The following BTD variants were observed in gnomAD, a reference collection of about 807,000 sequenced individuals.
BTD encodes the protein biotinidase.
In BTD, 13 loss-of-function variants were observed where a neutral mutation model predicts 17.7. The ratio of observed to expected loss-of-function variants is 0.74; its 90% confidence interval spans 0.48 to 1.17. The LOEUF (loss-of-function observed/expected upper bound fraction) is 1.17, where lower values mean the gene tolerates loss of function less well. Among genes scored for constraint, BTD ranks in the 50% most tolerant of loss-of-function variants. The probability of loss-of-function intolerance (pLI) is 0.00; values close to 1 mark genes in which losing one functional copy is unlikely to be tolerated. For missense variants in BTD, 674 were observed against 650.4 expected (o/e 1.04, Z -0.39); for synonymous variants, 240 against 245.2 (o/e 0.98, Z 0.20).
At chr3:15,701,923 T>C (rs2070689128) in intron 3 of BTD, among the ~76,000 whole-genome samples, 1 of 152,038 alleles carries the variant, frequency 6.6e-6, no homozygotes. Flanking sequence ...GGCAAAAACA[T>C]TTTACCCAAG....
At chr3:15,711,689 T>G (rs2072302025) in exon 4 of BTD, among the ~76,000 whole-genome samples, 1 of 151,872 alleles carries the variant, frequency 6.6e-6, no homozygotes, top group Non-Finnish European at 1.5e-5. Flanking sequence ...AGAGGTTTTC[T>G]GTATTTTTTT....
intron 3 of BTD, among the ~76,000 whole-genome samples, chr3:15,661,730 T>C (rs953071991): frequency 1.2e-4 from 19 of 152,182 alleles, no homozygotes; most frequent in African/African-American, 4.6e-4. Flanking sequence ...CAAGGTCAGG[T>C]AGATTTTCTC....
intron 1 of BTD, among the ~76,000 whole-genome samples, chr3:15,630,796 T>G (rs1426624203): frequency 2.0e-5 from 3 of 152,178 alleles, no homozygotes; most frequent in East Asian, 3.9e-4. Context: ...CAGCTGTCAC[T>G]CACAAGTGTT....
intron 3 of BTD, chr3:15,679,705 T>C (rs934309169): frequency 2.8e-5 from 19 of 669,714 alleles, no homozygotes; most frequent in African/African-American, 2.0e-4. Flanking sequence ...AATATAACCA[T>C]TGGTAGCTGT....
rs1553648620 is a variant in BTD, at chr3:15,613,123, C to CGGCTT, written c.-17+11229_-17+11230insGGCTT. Among the ~76,000 whole-genome samples the CGGCTT allele has an allele frequency of 1.1e-4, 16 of 152,148 alleles. 4 individuals are homozygous for CGGCTT. Among genetic ancestry groups the CGGCTT allele is most frequent in the East Asian group, 1.9e-4 (1 of 5,176 alleles). On this transcript the variant is annotated intron_variant, in intron 1 of 3. Transcript: ENST00000643237. ...GGATTTTAACTACATATGTGAAAGC[C>CGGCTT]CTTCACCTTTGTCATATTCTATTGG...
intron 1 of BTD, among the ~76,000 whole-genome samples, chr3:15,632,165 C>A (rs1446559642): frequency 6.6e-6 from 1 of 152,200 alleles, no homozygotes; most frequent in Non-Finnish European, 1.5e-5. Flanking sequence ...TCATCGAGGT[C>A]TTCCTTGACC....
At chr3:15,709,394 T>A (rs915930314) in intron 3 of BTD, among the ~76,000 whole-genome samples, 24 of 152,078 alleles carry the variant, frequency 1.6e-4, no homozygotes, top group Admixed American at 4.6e-4. Context: ...TCCATAGTCA[T>A]AATTTTTGGA....
intron 3 of BTD, chr3:15,686,543 C>A: frequency 1.9e-6 from 1 of 525,856 alleles, no homozygotes; most frequent in Non-Finnish European, 3.4e-6. Context: ...ACCCAGCACC[C>A]ATGCCCTATC....
rs397514366 is a variant in BTD, at chr3:15,644,371, A to G, written c.455A>G (p.Asn152Ser). The change falls in exon 4 of 4, where the codon AAT becomes AGT. Residue 152 changes from asparagine to serine, a missense_variant. Coordinates refer to ENST00000643237, the MANE Select transcript of BTD (RefSeq NM_001370658.1). ...AIRGDMFLVA[N>S]LGTKEPCHSS... ...AGGGGAGATATGTTCTTGGTGGCCA[A>G]TCTTGGGACAAAGGAGCCTTGTCAT... 3.1e-6 allele frequency: 5 copies of G among 1,614,008 alleles called. No homozygotes were observed. The highest frequency in any genetic ancestry group is 4.2e-6 in the Non-Finnish European group (5 of 1,180,020).
intron 3 of BTD, among the ~76,000 whole-genome samples, chr3:15,660,823 C>T (rs2065914406): frequency 2.6e-5 from 4 of 152,152 alleles, no homozygotes. Flanking sequence ...TTTACTGCCC[C>T]CATAGTTTTG....
chr3:15,645,116 T>C lies in BTD; in HGVS notation c.1200T>C (p.Asn400=), dbSNP rs2065658628. 6.2e-7 allele frequency: 1 copy of C among 1,614,072 alleles called. No homozygotes were observed. The highest frequency in any genetic ancestry group is 8.5e-7 in the Non-Finnish European group (1 of 1,180,044). ...GKEGYLHVCS[N]GLCCYLLYER... ...AAGGCTATCTCCACGTCTGTTCCAA[T>C]GGCCTCTGCTGTTATTTACTTTACG... The change falls in exon 4 of 4, where the codon AAT becomes AAC. Residue 400 remains asparagine, a synonymous_variant. Coordinates refer to ENST00000643237, the MANE Select transcript of BTD (RefSeq NM_001370658.1).
rs371481738 is a variant in BTD at position 15,642,516 on chromosome 3, G to A, written c.399+459G>A. 1.0e-4 allele frequency among the ~76,000 whole-genome samples: 15 copies of A among 149,098 alleles called. No homozygotes were observed. In the South Asian group the frequency reaches 1.3e-3, roughly 13 times the overall value. ...GCCACCCAGGCTGGAGCGCAGTGGC[G>A]CGATCTCAGCTCACTGCAAGCTCTG... is the stretch of plus-strand genomic sequence containing the variant. On this transcript the variant is annotated intron_variant, in intron 3 of 3. Coordinates refer to ENST00000643237, the MANE Select transcript of BTD (RefSeq NM_001370658.1).
chr3:15,633,950 T>G (rs372793462), intron 1 of BTD, among the ~76,000 whole-genome samples: 3 of 152,354 alleles, frequency 2.0e-5, no homozygotes, highest in East Asian at 3.9e-4. Context: ...CTCCTTGTTC[T>G]TATCTTAAAA....
intron 3 of BTD, chr3:15,670,613 AC>A: frequency 2.6e-6 from 4 of 1,524,370 alleles, no homozygotes; most frequent in Non-Finnish European, 3.6e-6. Context: ...TTCACCAAAG[AC>A]AAGGAAATAA....
At chr3:15,656,605 G>A (rs932704521), downstream of BTD, among the ~76,000 whole-genome samples, 5 of 152,054 alleles carry the variant, frequency 3.3e-5, no homozygotes, top group African/African-American at 4.8e-5. Flanking sequence ...TTTACTTTGC[G>A]GCACTGAGCA....
chr3:15,630,567 A>G (rs1460449466), intron 1 of BTD, among the ~76,000 whole-genome samples: 1 of 152,236 alleles, frequency 6.6e-6, no homozygotes, highest in Non-Finnish European at 1.5e-5. Flanking sequence ...CTTTGATTGC[A>G]CATTTGGTTT....
intron 1 of BTD, among the ~76,000 whole-genome samples, chr3:15,606,033 A>G (rs1217756294): frequency 8.3e-6 from 1 of 119,778 alleles, no homozygotes; most frequent in African/African-American, 3.4e-5. Context: ...ACAGAGCGAG[A>G]CCCTGTCTCA....
At chr3:15,671,108 TG>T (rs1185526344) in intron 3 of BTD, among the ~76,000 whole-genome samples, 1 of 152,234 alleles carries the variant, frequency 6.6e-6, no homozygotes, top group Non-Finnish European at 1.5e-5. Context: ...ACTTTTCTCT[TG>T]GGGTCACAGT....
intron 1 of BTD, among the ~76,000 whole-genome samples, chr3:15,626,925 C>T (rs1477090577): frequency 1.3e-5 from 2 of 152,110 alleles, no homozygotes; most frequent in African/African-American, 4.8e-5. Flanking sequence ...TGACTTGGAA[C>T]CGTCTGTCAG....
Sources: gnomAD v4.1 joint callset for allele counts (sites outside exome capture counted in the v4.1 genomes callset) on GRCh38, gnomAD v4.1.1 for gene constraint, MANE v1.5 for transcripts, NCBI Gene and HGNC (gene_info 2026-07-23, HGNC 2026-07-21) for gene names.